The following C8orf34 variants were observed in gnomAD, a reference collection of about 807,000 sequenced individuals.
C8orf34 encodes the protein uncharacterized protein C8orf34.
A neutral mutation model predicts 68.3 loss-of-function variants in C8orf34; 65 were observed. The ratio of observed to expected loss-of-function variants is 0.95; its 90% CI spans 0.78 to 1.17. The LOEUF is 1.17. Among genes scored for constraint, C8orf34 ranks in the 50% most tolerant of loss-of-function variants. The probability of loss-of-function intolerance (pLI) is 0.00; values close to 1 mark genes in which losing one functional copy is unlikely to be tolerated. For missense variants in C8orf34, 664 were observed against 655.4 expected, an observed-to-expected ratio of 1.01 and a Z score of -0.14; for synonymous variants, 244 against 241.2, an observed-to-expected ratio of 1.01 and a Z score of -0.11.
intron 7 of C8orf34, among the ~76,000 whole-genome samples, chr8:68,574,301 A>G (rs1816841285): frequency 6.6e-6 from 1 of 151,996 alleles, no homozygotes; most frequent in African/African-American, 2.4e-5. Context: ...ACTACAAGAG[A>G]TTTTACCTTA....
intron 1 of C8orf34, among the ~76,000 whole-genome samples, chr8:68,370,205 A>G (rs1464491024): frequency 1.3e-5 from 2 of 152,104 alleles, no homozygotes; most frequent in African/African-American, 4.8e-5. Flanking sequence ...ATTAAGTTAT[A>G]TTTCTGTAGG....
At chr8:68,599,845 C>CA (rs1025291968) in intron 7 of C8orf34, among the ~76,000 whole-genome samples, 1 of 151,828 alleles carries the variant, frequency 6.6e-6, no homozygotes, top group Non-Finnish European at 1.5e-5. Context: ...GATGAAAAGA[C>CA]AAAAAAGTAT....
chr8:68,459,746 T>C (rs919311886), intron 3 of C8orf34, among the ~76,000 whole-genome samples: 4 of 152,156 alleles, frequency 2.6e-5, no homozygotes, highest in Non-Finnish European at 5.9e-5. Context: ...AGAAAAGATG[T>C]GGAATCAACC....
chr8:68,471,579 T>C (rs1175226614), intron 4 of C8orf34, among the ~76,000 whole-genome samples: 3 of 152,138 alleles, frequency 2.0e-5, no homozygotes, highest in Non-Finnish European at 2.9e-5. Flanking sequence ...TAACTCTTTT[T>C]CTATGATAGT....
At chr8:68,576,847 T>A (rs2130313890) in intron 7 of C8orf34, among the ~76,000 whole-genome samples, 1 of 152,056 alleles carries the variant, frequency 6.6e-6, no homozygotes, top group South Asian at 2.1e-4. Flanking sequence ...AATTTAAGAG[T>A]GAATTTATTA....
chr8:68,603,521 A>ATATCTATCTATC (rs10542466), intron 7 of C8orf34, among the ~76,000 whole-genome samples: 336 of 140,542 alleles, frequency 2.4e-3, no homozygotes, highest in East Asian at 4.6e-3. Flanking sequence ...ATATATACAT[A>ATATCTATCTATC]TATCTATCTA....
chr8:68,442,887 G>A (rs1454002922), intron 2 of C8orf34, among the ~76,000 whole-genome samples: 1 of 152,208 alleles, frequency 6.6e-6, no homozygotes, highest in Non-Finnish European at 1.5e-5. Flanking sequence ...CTATGCCACT[G>A]TCTGAAGTAA....
intron 5 of C8orf34, among the ~76,000 whole-genome samples, chr8:68,502,912 G>T (rs1408274086): frequency 6.6e-6 from 1 of 152,086 alleles, no homozygotes; most frequent in East Asian, 1.9e-4. Flanking sequence ...CTTTAATCCA[G>T]ATCTAACTAC....
chr8:68,624,732 AATTT>A (rs961597090), intron 7 of C8orf34, among the ~76,000 whole-genome samples: 4 of 152,072 alleles, frequency 2.6e-5, no homozygotes, highest in African/African-American at 9.6e-5. Context: ...CCCTCCTGGG[AATTT>A]ATTTATTTAT....
chr8:68,692,672 A>G (rs1237037648), intron 8 of C8orf34, among the ~76,000 whole-genome samples: 1 of 152,120 alleles, frequency 6.6e-6, no homozygotes, highest in Admixed American at 6.6e-5. Context: ...CATCATCTCC[A>G]GAAAATAAGG....
intron 12 of C8orf34, among the ~76,000 whole-genome samples, chr8:68,793,452 A>G (rs1824072522): frequency 6.6e-6 from 1 of 152,226 alleles, no homozygotes; most frequent in East Asian, 1.9e-4. Context: ...ACTGGTAAAC[A>G]TGTTGTCAAC....
chr8:68,640,213 G>T (rs1214534998), intron 7 of C8orf34, among the ~76,000 whole-genome samples, 163 bp from the exon 8 acceptor site: 4 of 152,132 alleles, frequency 2.6e-5, no homozygotes, highest in African/African-American at 9.7e-5. Flanking sequence ...ACTACGTCTA[G>T]AAATAATTTG....
intron 1 of C8orf34, among the ~76,000 whole-genome samples, chr8:68,342,414 G>T (rs1806109622): frequency 6.6e-6 from 1 of 152,094 alleles, no homozygotes; most frequent in Non-Finnish European, 1.5e-5. Flanking sequence ...TACCGGTTAG[G>T]AGAAAATATT....
At chr8:68,775,594 A>C (rs1823491532) in intron 10 of C8orf34, among the ~76,000 whole-genome samples, 1 of 152,218 alleles carries the variant, frequency 6.6e-6, no homozygotes, top group African/African-American at 2.4e-5. Flanking sequence ...ACTTAATGTA[A>C]AGTCTGGATA....
In C8orf34 at chr8:68,465,976, T is replaced by G. The variant is rs183073902; in HGVS notation, c.608-2716T>G. Among the ~76,000 whole-genome samples the G allele has an allele frequency of 5.0e-3, 734 of 145,454 alleles. 4 individuals are homozygous for G. The highest frequency in any genetic ancestry group is 0.032 in the Middle Eastern group (9 of 284). On this transcript the variant is annotated intron_variant, in intron 3 of 13. Transcript: ENST00000518698. ...TAAAATAAAATAAAATAAAATAAAA[T>G]AAGAAATTCTAATAAAAAAAGAAAA...
At chr8:68,753,348 T>C (rs1424911093) in intron 10 of C8orf34, among the ~76,000 whole-genome samples, 1 of 151,668 alleles carries the variant, frequency 6.6e-6, no homozygotes, top group Non-Finnish European at 1.5e-5. Flanking sequence ...TGAAGCCTTG[T>C]AGAAAAAAAG....
At chr8:68,539,730 C>T (rs757086223) in intron 7 of C8orf34, among the ~76,000 whole-genome samples, 8 of 151,644 alleles carry the variant, frequency 5.3e-5, no homozygotes, top group Non-Finnish European at 1.0e-4. Flanking sequence ...GGCACATGCC[C>T]GTAATCCCAG....
chr8:68,680,779 AG>A lies in C8orf34; in HGVS notation c.1242-28212del, dbSNP rs1202273575. Among the ~76,000 whole-genome samples, 3 of 152,238 alleles carry A rather than the reference AG, an allele frequency of 2.0e-5. No homozygotes were observed. The East Asian group carries it at 5.8e-4, about 29-fold the overall frequency. ...ATAAACATCTTAAACAACAGAAAAC[AG>A]GGTTCGAGAGCAGAGAACCAGTCTG... On this transcript the variant is annotated intron_variant, in intron 8 of 13. Coordinates refer to ENST00000518698, the MANE Select transcript of C8orf34 (RefSeq NM_052958.4).
At chr8:68,417,857 G>A (rs1486995151) in intron 1 of C8orf34, among the ~76,000 whole-genome samples, 2 of 151,746 alleles carry the variant, frequency 1.3e-5, no homozygotes, top group African/African-American at 4.8e-5. Context: ...TGATGGGGAT[G>A]GCATTGAATC....
Sources: gnomAD v4.1 joint callset for allele counts (sites outside exome capture counted in the v4.1 genomes callset) on GRCh38, gnomAD v4.1.1 for gene constraint, MANE v1.5 for transcripts, NCBI Gene and HGNC (gene_info 2026-07-23, HGNC 2026-07-21) for gene names.